Variants in DERA observed in about 807,000 individuals in gnomAD.
DERA encodes 2-deoxy-D-ribose 5-phosphate aldolase.
A neutral mutation model predicts 41.1 loss-of-function variants in DERA; 15 were observed. The ratio of observed to expected loss-of-function variants is 0.37; its 90% CI spans 0.24 to 0.56. DERA has a LOEUF of 0.56. DERA is among the 20% of genes least tolerant of loss of function. The pLI is 0.81. For synonymous variants in DERA, 139 were observed against 137.4 expected (o/e 1.01, Z -0.08); for missense variants, 396 against 403.4 (o/e 0.98, Z 0.16).
At position 16,008,420 on chromosome 12, in the gene DERA, A is replaced by C. The variant is rs1948927175; in HGVS notation, c.638-24122A>C. Among the ~76,000 whole-genome samples, 3 of 152,118 alleles carry C rather than the reference A, an allele frequency of 2.0e-5. No individual in the cohort carries two copies. Among genetic ancestry groups the C allele is most frequent in the Admixed American group, 2.0e-4 (3 of 15,276 alleles). Reference sequence around the variant, plus strand: ...AGATGGGGTGGGGAATTACCTGCATAGGCATAGCTGGTGGTGTCTTAGGGG... The same window carrying C: ...AGATGGGGTGGGGAATTACCTGCATCGGCATAGCTGGTGGTGTCTTAGGGG... On this transcript the variant is annotated intron_variant, in intron 6 of 8. Transcript: ENST00000428559. This position sits in a 1 kb window ranked among gnomAD's most constrained non-coding sequence, Gnocchi z 4.8.
chr12:15,978,302 A>C (rs907837240), intron 5 of DERA, among the ~76,000 whole-genome samples: 3 of 152,050 alleles, frequency 2.0e-5, no homozygotes, highest in Admixed American at 1.3e-4. Context: ...ATTTTTTCTT[A>C]TATGTAAGAC....
At chr12:16,030,105 T>C (rs949268070) in intron 6 of DERA, among the ~76,000 whole-genome samples, 1 of 140,690 alleles carries the variant, frequency 7.1e-6, no homozygotes, top group African/African-American at 2.6e-5. Context: ...TTTTTTTTTT[T>C]GTATTTTTAG....
rs1352195090 is a variant in DERA at position 15,962,911 on chromosome 12, A to G, written c.472A>G (p.Ile158Val). Reference sequence around the variant, plus strand: ...TGGAGCTACAGAAATCGACGTGGTAATTAACAGAAGCTTGGTGCTGACAGG... The same window carrying G: ...TGGAGCTACAGAAATCGACGTGGTAGTTAACAGAAGCTTGGTGCTGACAGG... The part of the protein sequence containing the change: ...EDGATEIDVV[I>V]NRSLVLTGQW... The change falls in exon 5 of 9, where the codon ATT becomes GTT. Residue 158 changes from isoleucine to valine, a missense_variant. Ile to Val is a conservative substitution (Grantham distance 29). Coordinates refer to ENST00000428559, the MANE Select transcript of DERA (RefSeq NM_015954.4). 3.1e-6 allele frequency: 5 copies of G among 1,603,892 alleles called. No individual in the cohort carries two copies. In the South Asian group the frequency reaches 5.7e-5, roughly 18 times the overall value.
chr12:16,023,632 T>C (rs969871872), intron 6 of DERA, among the ~76,000 whole-genome samples: 6 of 151,236 alleles, frequency 4.0e-5, no homozygotes, highest in African/African-American at 1.2e-4. Flanking sequence ...CGCCCGCCAC[T>C]ACGCCCGGCT....
chr12:16,008,838 G>A lies in DERA; in HGVS notation c.638-23704G>A, dbSNP rs565842151. Among the ~76,000 whole-genome samples the A allele has an allele frequency of 5.3e-5, 8 of 152,282 alleles. No homozygotes were observed. Among genetic ancestry groups the A allele is most frequent in the African/African-American group, 1.9e-4 (8 of 41,566 alleles). On this transcript the variant is annotated intron_variant, in intron 6 of 8. Transcript: ENST00000428559. This position sits in a 1 kb window ranked among gnomAD's most constrained non-coding sequence, Gnocchi z 4.8. ...GTGCCATTTCGTATTGAAGGAAATAGTTTAACAGGGCTAGGTAGGATTTTG... is the reference window on the plus strand; with the variant it reads ...GTGCCATTTCGTATTGAAGGAAATAATTTAACAGGGCTAGGTAGGATTTTG...
At chr12:15,926,942 T>G (rs1211118290) in intron 1 of DERA, among the ~76,000 whole-genome samples, 1 of 152,182 alleles carries the variant, frequency 6.6e-6, no homozygotes, top group African/African-American at 2.4e-5. Context: ...CTTGGAGAAC[T>G]GAGGAAATAG....
rs963580118 is a variant in DERA at position 16,010,860 on chromosome 12, G to C, written c.638-21682G>C. ...AACACAACTTCTTTTATGAAAGACA[G>C]GTCACTGTAAAAAGAAACTCTACCC... On this transcript the variant is annotated intron_variant, in intron 6 of 8. Coordinates refer to ENST00000428559, the MANE Select transcript of DERA (RefSeq NM_015954.4). The surrounding 1 kb of genome is among the most constrained non-coding windows in gnomAD (Gnocchi z 5.5). 3.3e-5 allele frequency among the ~76,000 whole-genome samples: 5 copies of C among 151,812 alleles called. No individual in the cohort carries two copies. Among genetic ancestry groups the C allele is most frequent in the Non-Finnish European group, 7.4e-5 (5 of 67,984 alleles).
At chr12:16,029,530 C>G (rs925545152) in intron 6 of DERA, among the ~76,000 whole-genome samples, 9 of 152,082 alleles carry the variant, frequency 5.9e-5, no homozygotes, top group Non-Finnish European at 1.3e-4. Flanking sequence ...GATTATTTTC[C>G]CTTCTTCATT....
In DERA at chr12:15,954,832, G is replaced by T. The variant is rs1027386359; in HGVS notation, c.32-2104G>T. 6.6e-6 allele frequency among the ~76,000 whole-genome samples: 1 copy of T among 152,170 alleles called. No homozygotes were observed. Among genetic ancestry groups the T allele is most frequent in the Non-Finnish European group, 1.5e-5 (1 of 68,028 alleles). The stretch of plus-strand genomic sequence containing the variant: ...TCCTGTGACCGATAAAGGACAGCCT[G>T]TCAAAGCCTTGCCCCACTGAGTAAT... On this transcript the variant is annotated intron_variant, in intron 1 of 8. Transcript: ENST00000428559. The surrounding 1 kb of genome is among the most constrained non-coding windows in gnomAD (Gnocchi z 4.0).
rs77318485 is a variant in DERA, at chr12:16,011,182, T to G, written c.638-21360T>G. Among the ~76,000 whole-genome samples the G allele has an allele frequency of 9.3e-4, 141 of 152,292 alleles. 3 individuals carry two copies. The East Asian group carries it at 0.025, about 26-fold the overall frequency. ...TATATTCCAAACTTGCTAGTGACAG[T>G]AGAAAGCACAATCAAAAGGAAATTC... On this transcript the variant is annotated intron_variant, in intron 6 of 8. Coordinates refer to ENST00000428559, the MANE Select transcript of DERA (RefSeq NM_015954.4). The surrounding 1 kb of genome is among the most constrained non-coding windows in gnomAD (Gnocchi z 4.7).
chr12:16,024,640 C>A (rs913809467), intron 6 of DERA, among the ~76,000 whole-genome samples: 1 of 152,112 alleles, frequency 6.6e-6, no homozygotes, highest in African/African-American at 2.4e-5. Context: ...CTTCAGAGAG[C>A]CTGTGTATTT....
At chr12:16,030,273 C>T (rs1949083851) in intron 6 of DERA, among the ~76,000 whole-genome samples, 1 of 151,984 alleles carries the variant, frequency 6.6e-6, no homozygotes. Context: ...TTCCAAGATG[C>T]TTAAGATAAT....
rs979518851 is a variant in DERA at position 16,009,794 on chromosome 12, A to G, written c.638-22748A>G. 6.6e-6 allele frequency among the ~76,000 whole-genome samples: 1 copy of G among 152,236 alleles called. No individual in the cohort carries two copies. Among genetic ancestry groups the G allele is most frequent in the African/African-American group, 2.4e-5 (1 of 41,466 alleles). On this transcript the variant is annotated intron_variant, in intron 6 of 8. Transcript: ENST00000428559. The surrounding 1 kb of genome is among the most constrained non-coding windows in gnomAD (Gnocchi z 5.3). Reference sequence around the variant, plus strand: ...TCTAAGGGGAGGAAATAAATGCCACACTCAAAGCAATTATACAGGAAGTAT... The same window carrying G: ...TCTAAGGGGAGGAAATAAATGCCACGCTCAAAGCAATTATACAGGAAGTAT...
intron 1 of DERA, among the ~76,000 whole-genome samples, chr12:15,925,981 C>A (rs1034844285): frequency 1.3e-5 from 2 of 151,814 alleles, no homozygotes; most frequent in African/African-American, 4.8e-5. Context: ...CCATCACACA[C>A]CCGGCTGATT....
At position 15,940,716 on chromosome 12, in the gene DERA, A is replaced by T. The variant is rs1948402697; in HGVS notation, c.32-16220A>T. Among the ~76,000 whole-genome samples the T allele has an allele frequency of 6.6e-6, 1 of 152,180 alleles. No individual in the cohort carries two copies. On this transcript the variant is annotated intron_variant, in intron 1 of 8. Transcript: ENST00000428559. The surrounding 1 kb of genome is among the most constrained non-coding windows in gnomAD (Gnocchi z 5.1). ...AAAGTGAGCAATATTTAGAATAGTCATTTATTTAAATGGAAGTCATGCTTC... is the reference window on the plus strand; with the variant it reads ...AAAGTGAGCAATATTTAGAATAGTCTTTTATTTAAATGGAAGTCATGCTTC...
rs907203021 is a variant in DERA, at chr12:15,911,558, G to A, written c.31+144G>A. 1.1e-6 allele frequency: 1 copy of A among 871,456 alleles called. No individual in the cohort carries two copies. The allele number at this position is 871,456 out of a possible 1,614,324, so 54.0% of individuals were successfully genotyped here. A position where few individuals can be genotyped will look rare whatever the true frequency, so the allele number is the denominator to read the frequency against. ...GGCGGGAAGCAGTGGCGTCTGGTCA[G>A]CCCTCACCCCAAGTAAAGGCCGAAC... On this transcript the variant is annotated intron_variant, in intron 1 of 8. Transcript: ENST00000428559. The surrounding 1 kb of genome is among the most constrained non-coding windows in gnomAD (Gnocchi z 4.5).
At position 16,035,004 on chromosome 12, in the gene DERA, C is replaced by T. The variant is rs16911499; in HGVS notation, c.751-1228C>T. On this transcript the variant is annotated intron_variant, in intron 7 of 8. Coordinates refer to ENST00000428559, the MANE Select transcript of DERA (RefSeq NM_015954.4). This position sits in a 1 kb window ranked among gnomAD's most constrained non-coding sequence, Gnocchi z 4.1. ...AGTAATAGCAGATATGGTTGGAATCCGTGCACTGCTACTGCTTAGTTGTGT... is the reference window on the plus strand; with the variant it reads ...AGTAATAGCAGATATGGTTGGAATCTGTGCACTGCTACTGCTTAGTTGTGT... 0.2 allele frequency among the ~76,000 whole-genome samples: 30,900 copies of T among 151,988 alleles called. 3,441 individuals carry two copies. Among genetic ancestry groups the T allele is most frequent in the Admixed American group, 0.3 (4,653 of 15,280 alleles).
Position 15,999,950 on chromosome 12 carries a change from C to T in DERA, c.637+17514C>T, listed in dbSNP as rs1200415467. On this transcript the variant is annotated intron_variant, in intron 6 of 8. Transcript: ENST00000428559. The surrounding 1 kb of genome is among the most constrained non-coding windows in gnomAD (Gnocchi z 5.3). ...TGTGTTTAGGCTGGAGACAGGAAGG[C>T]CATTAGGAAGCTGTGATAACACTTC... 6.6e-6 allele frequency among the ~76,000 whole-genome samples: 1 copy of T among 152,084 alleles called. No homozygotes were observed.
rs1156482851 is a variant in DERA, at chr12:15,926,048, C to T, written c.31+14634C>T. Among the ~76,000 whole-genome samples the T allele has an allele frequency of 1.4e-4, 21 of 151,734 alleles. No homozygotes were observed. The East Asian group carries it at 3.9e-3, about 28-fold the overall frequency. On this transcript the variant is annotated intron_variant, in intron 1 of 8. Coordinates refer to ENST00000428559, the MANE Select transcript of DERA (RefSeq NM_015954.4). ...ATGTTGGCCAGGCTGGTCTCGAACT[C>T]CTGACCTCAGGTGATCCGCCCGCCT...
Sources: gnomAD v4.1 joint callset for allele counts (sites outside exome capture counted in the v4.1 genomes callset) on GRCh38, gnomAD v4.1.1 for gene constraint, Gnocchi (gnomAD v3.1) non-coding constraint, MANE v1.5 for transcripts, NCBI Gene and HGNC (gene_info 2026-07-23, HGNC 2026-07-21) for gene names.